SPON1: variants seen among roughly 807,000 people sequenced by gnomAD.
SPON1 encodes spondin-1.
In SPON1, 52 loss-of-function variants were observed where a neutral mutation model predicts 111.7. That is an observed-to-expected ratio of 0.47 (90% CI 0.37 to 0.59). The LOEUF (loss-of-function observed/expected upper bound fraction) is 0.59. Ranked by LOEUF, SPON1 falls within the 20% of genes least tolerant of loss-of-function variation. The probability of loss-of-function intolerance (pLI) is 0.00; values close to 1 mark genes in which losing one functional copy is unlikely to be tolerated. For missense variants in SPON1, 957 were observed against 1,068.5 expected, an observed-to-expected ratio of 0.90 and a Z score of 1.46; for synonymous variants, 410 against 395.8, an observed-to-expected ratio of 1.04 and a Z score of -0.43.
chr11:14,244,617 G>A lies in SPON1; in HGVS notation c.890+1221G>A, dbSNP rs532417140. ...CAAAAATCTAACTGGGTGTGGTGGC[G>A]CATGCCTGTAGTCCCACCTACTCAG... On this transcript the variant is annotated intron_variant, in intron 7 of 15. Coordinates refer to ENST00000576479, the MANE Select transcript of SPON1 (RefSeq NM_006108.4). Among the ~76,000 whole-genome samples the A allele has an allele frequency of 4.6e-5, 7 of 151,926 alleles. No homozygotes were observed. In the East Asian group the frequency reaches 5.8e-4, roughly 13 times the overall value.
chr11:14,234,834 T>C (rs939301274), intron 6 of SPON1, among the ~76,000 whole-genome samples: 4 of 152,396 alleles, frequency 2.6e-5, no homozygotes, highest in Non-Finnish European at 4.4e-5. Context: ...AAATTGAATT[T>C]GAAATGCTTC....
At chr11:13,999,698 C>T (rs558084906) in intron 2 of SPON1, among the ~76,000 whole-genome samples, 187 of 152,266 alleles carry the variant, frequency 1.2e-3, no homozygotes, top group Non-Finnish European at 2.1e-3. Flanking sequence ...TGAGCCACCG[C>T]GCCTGGCCTG....
At chr11:14,215,756 G>C (rs1316098527) in intron 6 of SPON1, among the ~76,000 whole-genome samples, 2 of 152,174 alleles carry the variant, frequency 1.3e-5, no homozygotes, top group African/African-American at 4.8e-5. Flanking sequence ...GCCGACTTAA[G>C]ATAGAAGTAT....
chr11:14,123,028 C>A (rs913361283), intron 5 of SPON1, among the ~76,000 whole-genome samples: 1 of 150,762 alleles, frequency 6.6e-6, no homozygotes, highest in Non-Finnish European at 1.5e-5. Flanking sequence ...AACTCCTGGA[C>A]CAAGTGATCC....
chr11:14,009,377 G>A (rs1377367601), intron 2 of SPON1, among the ~76,000 whole-genome samples: 1 of 152,038 alleles, frequency 6.6e-6, no homozygotes, highest in East Asian at 1.9e-4. Context: ...CCTGCCCCAG[G>A]GTATGTGTAG....
intron 7 of SPON1, among the ~76,000 whole-genome samples, chr11:14,251,144 G>A (rs1245068223): frequency 6.6e-6 from 1 of 152,196 alleles, no homozygotes; most frequent in African/African-American, 2.4e-5. Flanking sequence ...CCTCCTCCAG[G>A]AAATGTTACA....
chr11:14,043,446 CTG>C (rs1352598960), intron 3 of SPON1, among the ~76,000 whole-genome samples: 1 of 152,146 alleles, frequency 6.6e-6, no homozygotes, highest in Non-Finnish European at 1.5e-5. Context: ...TGCTGATTTT[CTG>C]TGTCAATTGC....
At chr11:14,091,683 C>T (rs896657742) in intron 5 of SPON1, among the ~76,000 whole-genome samples, 13 of 152,142 alleles carry the variant, frequency 8.5e-5, no homozygotes, top group South Asian at 2.1e-4. Context: ...GTGCCGCCCG[C>T]AGCCCCGGTT....
chr11:14,031,794 G>A (rs1564889681), intron 2 of SPON1, among the ~76,000 whole-genome samples: 1 of 152,068 alleles, frequency 6.6e-6, no homozygotes, highest in African/African-American at 2.4e-5. Flanking sequence ...AAAAGCAACT[G>A]TCTTTCCTTC....
chr11:14,129,879 A>C (rs1207482917), intron 5 of SPON1, among the ~76,000 whole-genome samples: 1 of 152,200 alleles, frequency 6.6e-6, no homozygotes, highest in Non-Finnish European at 1.5e-5. Flanking sequence ...GCAGCAGGAG[A>C]CAGCAAGAAT....
rs146771863 is a variant in SPON1 at position 14,242,007 on chromosome 11, C to G, written c.826-1325C>G. On this transcript the variant is annotated intron_variant, in intron 6 of 15. Transcript: ENST00000576479. ...CTGCCCTGTCCTTGTGGGCCCTTCC[C>G]CTCACCCAGGACTGTCTGTAGGAGC... is the stretch of plus-strand genomic sequence containing the variant. Among the ~76,000 whole-genome samples the G allele has an allele frequency of 1.3e-3, 200 of 152,178 alleles. 1 individual carries two copies. The highest frequency in any genetic ancestry group is 4.3e-3 in the African/African-American group (179 of 41,530).
chr11:14,167,405 T>C (rs1258755830), intron 6 of SPON1, among the ~76,000 whole-genome samples: 6 of 152,116 alleles, frequency 3.9e-5, no homozygotes, highest in African/African-American at 1.4e-4. Context: ...GAAAAATCTT[T>C]ACTCAGATAG....
chr11:14,261,729 G>T (rs951004775), intron 14 of SPON1, among the ~76,000 whole-genome samples: 9 of 152,176 alleles, frequency 5.9e-5, no homozygotes, highest in African/African-American at 1.9e-4. Flanking sequence ...CAGAGTTGGG[G>T]CCCCATAGCC....
In SPON1 at chr11:13,996,932, A is replaced by G. The variant is rs1191924969; in HGVS notation, c.345+13979A>G. Among the ~76,000 whole-genome samples the G allele has an allele frequency of 2.0e-5, 3 of 152,162 alleles. No homozygotes were observed. In the East Asian group the frequency reaches 5.8e-4, roughly 29 times the overall value. ...ATTCGAAGATTCCTCTATTATTGGC[A>G]AGATAGGTGGTTCTAATTTTCTTTT... On this transcript the variant is annotated intron_variant, in intron 2 of 15. Coordinates refer to ENST00000576479, the MANE Select transcript of SPON1 (RefSeq NM_006108.4).
chr11:14,174,428 A>G (rs983126202), intron 6 of SPON1, among the ~76,000 whole-genome samples: 1 of 152,226 alleles, frequency 6.6e-6, no homozygotes, highest in Non-Finnish European at 1.5e-5. Flanking sequence ...AAGTAATTTG[A>G]TACCCCCAAA....
intron 6 of SPON1, among the ~76,000 whole-genome samples, chr11:14,191,943 A>G (rs1196829673): frequency 5.3e-5 from 8 of 152,170 alleles, no homozygotes; most frequent in Non-Finnish European, 8.8e-5. Flanking sequence ...AAGTTTTTAC[A>G]GCCATGTTTG....
intron 3 of SPON1, among the ~76,000 whole-genome samples, chr11:14,070,246 T>G (rs963842254): frequency 3.3e-5 from 5 of 152,314 alleles, no homozygotes; most frequent in African/African-American, 9.6e-5. Flanking sequence ...ACTGAGATCA[T>G]AGAGAAATTT....
chr11:14,225,752 T>A (rs1045749491), intron 6 of SPON1, among the ~76,000 whole-genome samples: 4 of 152,308 alleles, frequency 2.6e-5, no homozygotes, highest in African/African-American at 9.6e-5. Flanking sequence ...GAAGTCCAAG[T>A]GACAATAATA....
At chr11:14,111,061 G>A (rs112577859) in intron 5 of SPON1, among the ~76,000 whole-genome samples, 2,995 of 152,238 alleles carry the variant, frequency 0.02, 99 homozygotes, top group African/African-American at 0.068. Flanking sequence ...ATCTCTTGTA[G>A]TAATATCAAG....
Sources: allele counts gnomAD v4.1 joint callset (sites outside exome capture counted in the v4.1 genomes callset), GRCh38; gene constraint gnomAD v4.1.1; transcripts MANE v1.5; gene names NCBI Gene and HGNC (gene_info 2026-07-23, HGNC 2026-07-21).